RBMS1: variants seen among roughly 807,000 people sequenced by gnomAD.
The protein encoded by RBMS1 is RNA binding motif single stranded interacting protein 1.
A neutral mutation model predicts 62.3 loss-of-function variants in RBMS1; 17 were observed. The ratio of observed to expected loss-of-function variants is 0.27; its 90% CI spans 0.19 to 0.41. RBMS1 has a LOEUF of 0.41. Ranked by LOEUF, RBMS1 falls within the 10% of genes least tolerant of loss-of-function variation. The pLI is 1.00. For synonymous variants in RBMS1, 172 were observed against 170.0 expected, an observed-to-expected ratio of 1.01 and a Z score of -0.09; for missense variants, 334 against 504.5, an observed-to-expected ratio of 0.66 and a Z score of 3.24.
intron 1 of RBMS1, among the ~76,000 whole-genome samples, chr2:160,456,008 G>T (rs1684214211): frequency 6.6e-6 from 1 of 152,176 alleles, no homozygotes. Context: ...TATGGGCAGT[G>T]ATTTATCCAT....
chr2:160,444,018 A>C (rs1683535757), intron 1 of RBMS1, among the ~76,000 whole-genome samples: 1 of 152,156 alleles, frequency 6.6e-6, no homozygotes, highest in South Asian at 2.1e-4. Context: ...CTTTGACCCC[A>C]AACTCTCTTT....
At chr2:160,305,733 T>A (rs1307515717) in intron 4 of RBMS1, among the ~76,000 whole-genome samples, 1 of 152,128 alleles carries the variant, frequency 6.6e-6, no homozygotes, top group African/African-American at 2.4e-5. Context: ...CCATCTTAGT[T>A]TTGATTTTAG....
chr2:160,367,602 T>A, intron 1 of RBMS1: 6 of 807,460 alleles, frequency 7.4e-6, no homozygotes, highest in Non-Finnish European at 1.1e-5. Flanking sequence ...AAGTAAAAGT[T>A]CTCTATGTGC....
At chr2:160,291,235 G>C (rs1270067546) in intron 6 of RBMS1, among the ~76,000 whole-genome samples, 1 of 152,140 alleles carries the variant, frequency 6.6e-6, no homozygotes. Context: ...TTAACAGGTG[G>C]AGAAACTGTC....
chr2:160,395,436 A>G (rs1695085657), intron 1 of RBMS1, among the ~76,000 whole-genome samples: 1 of 152,152 alleles, frequency 6.6e-6, no homozygotes, highest in African/African-American at 2.4e-5. Context: ...CATCCTGGCT[A>G]ACACGGTGAA....
chr2:160,412,375 C>G (rs1467021134), intron 1 of RBMS1, among the ~76,000 whole-genome samples: 2 of 152,174 alleles, frequency 1.3e-5, no homozygotes, highest in Non-Finnish European at 2.9e-5. Context: ...GGGTTATAAG[C>G]CTCAATGTAC....
intron 1 of RBMS1, among the ~76,000 whole-genome samples, chr2:160,446,210 A>C (rs1683637947): frequency 6.6e-6 from 1 of 152,212 alleles, no homozygotes; most frequent in Non-Finnish European, 1.5e-5. Flanking sequence ...AGAGGCTCCA[A>C]AAGTTACCTA....
At chr2:160,319,129 C>G (rs921912322) in intron 2 of RBMS1, among the ~76,000 whole-genome samples, 5 of 152,162 alleles carry the variant, frequency 3.3e-5, no homozygotes, top group Non-Finnish European at 7.3e-5. Context: ...AGTGGCCATA[C>G]TATAAGGAAA....
At position 160,323,303 on chromosome 2, in the gene RBMS1, C is replaced by T. The variant is rs187261204; in HGVS notation, c.252-5076G>A. 2.0e-4 allele frequency among the ~76,000 whole-genome samples: 31 copies of T among 151,906 alleles called. No homozygotes were observed. The East Asian group carries it at 5.6e-3, about 28-fold the overall frequency. On this transcript the variant is annotated intron_variant, in intron 2 of 13. Transcript: ENST00000348849. The stretch of plus-strand genomic sequence containing the variant: ...CCAGCCTGGGCAATGTGGCAAAACA[C>T]CCTCTCGACAAACAATACAAAAATT...
chr2:160,331,228 C>A (rs1038137144), intron 2 of RBMS1, among the ~76,000 whole-genome samples: 41 of 152,142 alleles, frequency 2.7e-4, no homozygotes, highest in African/African-American at 9.7e-4. Flanking sequence ...GAATAAAACT[C>A]CAGCCAGCTT....
chr2:160,281,234 T>G, intron 10 of RBMS1, 80 bp downstream of exon 10: 1 of 1,153,244 alleles, frequency 8.7e-7, no homozygotes, highest in Non-Finnish European at 1.2e-6. Flanking sequence ...TATACCACCC[T>G]TGGCAAATGG....
intron 4 of RBMS1, among the ~76,000 whole-genome samples, chr2:160,307,684 T>C (rs181070315): frequency 4.9e-4 from 75 of 152,372 alleles, no homozygotes; most frequent in Non-Finnish European, 8.5e-4. Flanking sequence ...AATTTTAAAC[T>C]GTCCCTTTCT....
chr2:160,461,936 G>A (rs992541828), intron 1 of RBMS1, among the ~76,000 whole-genome samples: 4 of 152,174 alleles, frequency 2.6e-5, no homozygotes, highest in Non-Finnish European at 2.9e-5. Flanking sequence ...CTGTCGAGTA[G>A]AATCATTATT....
intron 1 of RBMS1, among the ~76,000 whole-genome samples, chr2:160,427,881 A>T (rs1211996667): frequency 6.6e-6 from 1 of 152,216 alleles, no homozygotes; most frequent in Non-Finnish European, 1.5e-5. Flanking sequence ...CTGTTAGCAC[A>T]GATCACTGTT....
chr2:160,354,692 A>G (rs564838933), intron 2 of RBMS1, among the ~76,000 whole-genome samples: 18 of 152,266 alleles, frequency 1.2e-4, no homozygotes, highest in African/African-American at 3.8e-4. Context: ...ACTCAAACAC[A>G]TGCTGATCTC....
intron 1 of RBMS1, among the ~76,000 whole-genome samples, chr2:160,472,971 G>A (rs1053346583): frequency 5.3e-5 from 8 of 152,150 alleles, no homozygotes; most frequent in African/African-American, 1.9e-4. Flanking sequence ...ACATAAAAGG[G>A]CCACTCAACT....
intron 2 of RBMS1, among the ~76,000 whole-genome samples, chr2:160,318,598 T>A (rs944229418): frequency 3.3e-5 from 5 of 152,244 alleles, no homozygotes; most frequent in African/African-American, 9.6e-5. Flanking sequence ...GTTATAGAAT[T>A]CTAACAGGAA....
intron 6 of RBMS1, among the ~76,000 whole-genome samples, chr2:160,299,628 T>C (rs1031361336): frequency 6.6e-6 from 1 of 152,184 alleles, no homozygotes; most frequent in African/African-American, 2.4e-5. Context: ...TCGAAACCCT[T>C]GTACATGAGA....
intron 1 of RBMS1, among the ~76,000 whole-genome samples, chr2:160,488,190 C>G (rs1026322833): frequency 6.6e-6 from 1 of 152,198 alleles, no homozygotes; most frequent in Non-Finnish European, 1.5e-5. Context: ...ATCACCTAAC[C>G]AAACTACCTA....
Sources: allele counts gnomAD v4.1 joint callset (sites outside exome capture counted in the v4.1 genomes callset), GRCh38; gene constraint gnomAD v4.1.1; transcripts MANE v1.5; gene names NCBI Gene and HGNC (gene_info 2026-07-23, HGNC 2026-07-21).